SRGAP2: variants seen among roughly 807,000 people sequenced by gnomAD.
SRGAP2 encodes SLIT-ROBO Rho GTPase-activating protein 2.
Under a neutral mutation model 57.2 loss-of-function variants are expected in SRGAP2, and 15 were observed. That is an observed-to-expected ratio of 0.26 (90% CI 0.18 to 0.40). The LOEUF (loss-of-function observed/expected upper bound fraction) is 0.40, where lower values mean the gene tolerates loss of function less well. Ranked by LOEUF, SRGAP2 falls within the 10% of genes least tolerant of loss-of-function variation. The pLI is 1.00. For synonymous variants in SRGAP2, 249 were observed against 248.0 expected (o/e 1.00, Z -0.04); for missense variants, 520 against 669.6 (o/e 0.78, Z 2.47).
At chr1:206,370,182 C>T (rs1344489754) in intron 4 of SRGAP2, among the ~76,000 whole-genome samples, 5 of 151,946 alleles carry the variant, frequency 3.3e-5, no homozygotes, top group Admixed American at 1.3e-4. Context: ...AGGAGAATGG[C>T]GTGAACCCAG....
chr1:206,319,294 C>G (rs1673292916), intron 3 of SRGAP2, among the ~76,000 whole-genome samples: 1 of 148,192 alleles, frequency 6.7e-6, no homozygotes, highest in African/African-American at 2.6e-5. Flanking sequence ...GCCTGTCGTC[C>G]CACCTACTCA....
At chr1:206,289,421 C>T (rs1410118199) in intron 2 of SRGAP2, among the ~76,000 whole-genome samples, 8 of 150,186 alleles carry the variant, frequency 5.3e-5, no homozygotes, top group Admixed American at 1.3e-4. Flanking sequence ...TACAGGCGCC[C>T]GCCACCACGC....
intron 3 of SRGAP2, among the ~76,000 whole-genome samples, chr1:206,307,342 T>C (rs1321063693): frequency 6.6e-6 from 1 of 152,268 alleles, no homozygotes; most frequent in Non-Finnish European, 1.5e-5. Flanking sequence ...GAGCTACATA[T>C]AAAGACTCTC....
intron 4 of SRGAP2, among the ~76,000 whole-genome samples, chr1:206,359,796 C>CCCTTTTTTTTTTTTTTTTTTTTT (rs1558345475): frequency 1.9e-5 from 2 of 103,684 alleles, no homozygotes; most frequent in African/African-American, 9.5e-5. Flanking sequence ...AGGGATATTG[C>CCCTTTTTTTTTTTTTTTTTTTTT]TCTTTTTTTT....
In SRGAP2 at chr1:206,327,881, T is replaced by C. The variant is rs1465303605; in HGVS notation, c.261-14965T>C. Among the ~76,000 whole-genome samples the C allele has an allele frequency of 3.1e-3, 289 of 93,950 alleles. 4 individuals are homozygous for C. The highest frequency in any genetic ancestry group is 0.017 in the African/African-American group (260 of 15,368). The allele number at this position is 93,950 out of a possible 152,430, so 61.6% of individuals were successfully genotyped here. A position where few individuals can be genotyped will look rare whatever the true frequency, so the allele number is the denominator to read the frequency against. On this transcript the variant is annotated intron_variant, in intron 3 of 22. Coordinates refer to ENST00000573034, the MANE Select transcript of SRGAP2 (RefSeq NM_015326.5). ...TGCAGGTTAGTTACATATGTATACA[T>C]GTGCCATGCTGGTGCGCTGCACCCA... is the stretch of plus-strand genomic sequence containing the variant.
intron 2 of SRGAP2, among the ~76,000 whole-genome samples, chr1:206,257,829 G>A (rs1669292210): frequency 7.0e-6 from 1 of 143,114 alleles, no homozygotes; most frequent in Admixed American, 7.0e-5. Context: ...AATAAATAGA[G>A]CTATGGGAGT....
At chr1:206,305,914 C>T (rs1393827198) in intron 3 of SRGAP2, among the ~76,000 whole-genome samples, 42 of 151,838 alleles carry the variant, frequency 2.8e-4, no homozygotes, top group Middle Eastern at 3.4e-3. Context: ...AAGTCTTATT[C>T]TCTTTATGAT....
At chr1:206,398,341 A>C (rs1258945254) in intron 7 of SRGAP2, among the ~76,000 whole-genome samples, 1 of 150,820 alleles carries the variant, frequency 6.6e-6, no homozygotes, top group African/African-American at 2.4e-5. Context: ...TAGATAGTCA[A>C]GACTCTGGAG....
intron 17 of SRGAP2, among the ~76,000 whole-genome samples, chr1:206,440,284 A>C (rs527605699): frequency 6.6e-6 from 1 of 152,352 alleles, no homozygotes; most frequent in East Asian, 1.9e-4. Context: ...GTTCCAGGGA[A>C]GGAAACAGCC....
intron 13 of SRGAP2, among the ~76,000 whole-genome samples, chr1:206,429,919 A>G (rs1661143923): frequency 6.6e-6 from 1 of 152,112 alleles, no homozygotes; most frequent in African/African-American, 2.4e-5. Flanking sequence ...GTGGTGAGAA[A>G]CTGGTTTGGG....
At position 206,436,226 on chromosome 1, in the gene SRGAP2, A is replaced by G. The variant is rs1330311778; in HGVS notation, c.1556-739A>G. Reference sequence around the variant, plus strand: ...TATAGTTTCATGTTCTCTCTTTTTCATGAGTATTGAAAGCATTGCCCCCTT... The same window carrying G: ...TATAGTTTCATGTTCTCTCTTTTTCGTGAGTATTGAAAGCATTGCCCCCTT... On this transcript the variant is annotated intron_variant, in intron 14 of 22. Transcript: ENST00000573034. Among the ~76,000 whole-genome samples, 4 of 152,054 alleles carry G rather than the reference A, an allele frequency of 2.6e-5. No individual in the cohort carries two copies. The East Asian group carries it at 5.8e-4, about 22-fold the overall frequency.
intron 13 of SRGAP2, among the ~76,000 whole-genome samples, chr1:206,427,639 G>T (rs980988507): frequency 4.6e-5 from 7 of 152,252 alleles, no homozygotes; most frequent in East Asian, 3.9e-4. Flanking sequence ...TCAGAGCCAG[G>T]GGGGGGATCC....
intron 7 of SRGAP2, among the ~76,000 whole-genome samples, chr1:206,398,655 T>C (rs1220351284): frequency 6.6e-6 from 1 of 151,770 alleles, no homozygotes; most frequent in Non-Finnish European, 1.5e-5. Context: ...AAATGCCTGC[T>C]GTGAGCAAGG....
intron 4 of SRGAP2, among the ~76,000 whole-genome samples, chr1:206,359,052 T>TTTTAATTACCTGCTGCCAGGATTCTCA (rs1571950949): frequency 6.6e-6 from 1 of 152,244 alleles, no homozygotes; most frequent in East Asian, 1.9e-4. Flanking sequence ...GCCGATGTTC[T>TTTTAATTACCTGCTGCCAGGATTCTCA]TTTAATTACC....
At chr1:206,402,100 G>A (rs1227215444) in intron 8 of SRGAP2, among the ~76,000 whole-genome samples, 40 of 152,068 alleles carry the variant, frequency 2.6e-4, no homozygotes, top group Non-Finnish European at 5.3e-4. Context: ...GGCTTTAGTG[G>A]GGAAGCGAGG....
chr1:206,341,666 A>G lies in SRGAP2; in HGVS notation c.261-1180A>G, dbSNP rs538536717. Among the ~76,000 whole-genome samples the G allele has an allele frequency of 5.9e-5, 9 of 152,114 alleles. No homozygotes were observed. The South Asian group carries it at 1.5e-3, about 25-fold the overall frequency. ...TGCTTAAGTTAATGCTGAGTTGGTAATCAATAATTCTTTTGGATCACAATG... is the reference window on the plus strand; with the variant it reads ...TGCTTAAGTTAATGCTGAGTTGGTAGTCAATAATTCTTTTGGATCACAATG... On this transcript the variant is annotated intron_variant, in intron 3 of 22. Transcript: ENST00000573034.
In SRGAP2 at chr1:206,372,981, CTTT is replaced by C. The variant is rs1558359304; in HGVS notation, c.424-11032_424-11030del. On this transcript the variant is annotated intron_variant, in intron 4 of 22. Transcript: ENST00000573034. Reference sequence around the variant, plus strand: ...TTTTCTTTCCTTTCTTTCTTTCTTTCTTTCTTTCTTTCTTTCTTTCTTTCTTTC... The same window carrying C: ...TTTTCTTTCCTTTCTTTCTTTCTTTCCTTTCTTTCTTTCTTTCTTTCTTTC... 1.7e-3 allele frequency among the ~76,000 whole-genome samples: 105 copies of C among 61,502 alleles called. 11 individuals carry two copies. The highest frequency in any genetic ancestry group is 5.8e-3 in the African/African-American group (76 of 13,002). 40.3% of individuals were successfully genotyped at this position (61,502 alleles called of 152,430 possible).
intron 14 of SRGAP2, among the ~76,000 whole-genome samples, chr1:206,433,507 G>A (rs1661449864): frequency 6.6e-6 from 1 of 152,024 alleles, no homozygotes; most frequent in Admixed American, 6.6e-5. Context: ...TGGGTGTGGT[G>A]TTGGGCACCT....
intron 2 of SRGAP2, among the ~76,000 whole-genome samples, chr1:206,225,483 G>T (rs1472530268): frequency 6.6e-6 from 1 of 151,276 alleles, no homozygotes; most frequent in East Asian, 1.9e-4. Flanking sequence ...CCAGGAAGAG[G>T]TGCAGCAGTT....
Sources: gnomAD v4.1 joint callset for allele counts (sites outside exome capture counted in the v4.1 genomes callset) on GRCh38, gnomAD v4.1.1 for gene constraint, MANE v1.5 for transcripts, NCBI Gene and HGNC (gene_info 2026-07-23, HGNC 2026-07-21) for gene names.